The following DLGAP2 variants were observed in gnomAD, a reference collection of about 807,000 sequenced individuals.
DLGAP2 encodes DLG associated protein 2, also known as disks large-associated protein 2.
A neutral mutation model predicts 100.3 loss-of-function variants in DLGAP2; 26 were observed. The observed-to-expected ratio is 0.26, with a 90% CI of 0.19 to 0.36. The LOEUF is 0.36. Among genes scored for constraint, DLGAP2 ranks in the 10% least tolerant of loss-of-function variants. The probability of loss-of-function intolerance (pLI) is 1.00; values close to 1 mark genes in which losing one functional copy is unlikely to be tolerated. For synonymous variants in DLGAP2, 886 were observed against 630.1 expected (o/e 1.41, Z -6.08); for missense variants, 1,858 against 1,453.2 (o/e 1.28, Z -4.53).
At chr8:819,791 G>A (rs923747610) in intron 1 of DLGAP2, among the ~76,000 whole-genome samples, 4 of 152,192 alleles carry the variant, frequency 2.6e-5, no homozygotes, top group Non-Finnish European at 4.4e-5. Flanking sequence ...ACATCATCAA[G>A]TACTTGGTGT....
intron 2 of DLGAP2, among the ~76,000 whole-genome samples, chr8:967,851 TATATATATATATATATATATATAA>T (rs1213708897): frequency 1.5e-4 from 11 of 74,940 alleles, no homozygotes; most frequent in Non-Finnish European, 2.0e-4. Flanking sequence ...TATATATATA[TATATATATATATATATATATATAA>T]ATACTTTAAA....
chr8:1,098,498 G>GAATGC (rs1804464630), intron 2 of DLGAP2, among the ~76,000 whole-genome samples: 1 of 152,152 alleles, frequency 6.6e-6, no homozygotes, highest in Non-Finnish European at 1.5e-5. Flanking sequence ...GAGCAGCTGG[G>GAATGC]AATGCAGCCA....
At chr8:1,182,091 C>T (rs1240728807) in intron 2 of DLGAP2, among the ~76,000 whole-genome samples, 2 of 152,340 alleles carry the variant, frequency 1.3e-5, no homozygotes, top group East Asian at 1.9e-4. Context: ...TGCTAAGGAG[C>T]TGATCTTCAG....
At chr8:1,696,418 T>TCTG (rs2130884964) in intron 13 of DLGAP2, among the ~76,000 whole-genome samples, 1 of 152,284 alleles carries the variant, frequency 6.6e-6, no homozygotes, top group East Asian at 1.9e-4. Context: ...CAGGATCCCT[T>TCTG]CAGCCCAGGA....
At chr8:1,425,651 T>C (rs1313748551) in intron 3 of DLGAP2, among the ~76,000 whole-genome samples, 1 of 152,158 alleles carries the variant, frequency 6.6e-6, no homozygotes, top group African/African-American at 2.4e-5. Context: ...AGAGCTGTCA[T>C]GTAAACCCCT....
chr8:1,272,830 C>T (rs760983400), intron 3 of DLGAP2, among the ~76,000 whole-genome samples: 1 of 152,146 alleles, frequency 6.6e-6, no homozygotes, highest in African/African-American at 2.4e-5. Context: ...CCTGCAAGTC[C>T]CTGTCACTGT....
At chr8:1,430,011 T>TATATGTATATATATATATATACAC (rs1554467363) in intron 3 of DLGAP2, among the ~76,000 whole-genome samples, 2 of 63,966 alleles carry the variant, frequency 3.1e-5, no homozygotes, top group African/African-American at 1.1e-4. Flanking sequence ...TATATACATA[T>TATATGTATATATATATATATACAC]ATATATATAT....
intron 3 of DLGAP2, among the ~76,000 whole-genome samples, chr8:1,359,492 C>G (rs942458254): frequency 2.6e-5 from 4 of 152,250 alleles, no homozygotes; most frequent in Admixed American, 2.0e-4. Flanking sequence ...CTGCCACTGG[C>G]CTAGCCTCCT....
chr8:1,118,780 T>C (rs1053756201), intron 2 of DLGAP2, among the ~76,000 whole-genome samples: 1 of 152,204 alleles, frequency 6.6e-6, no homozygotes, highest in Non-Finnish European at 1.5e-5. Context: ...AATTAAATGA[T>C]GGAAAACGAC....
At chr8:1,631,588 A>G (rs903440591) in intron 7 of DLGAP2, among the ~76,000 whole-genome samples, 1 of 152,042 alleles carries the variant, frequency 6.6e-6, no homozygotes, top group East Asian at 1.9e-4. Flanking sequence ...GTCTCTGTCC[A>G]GTGTCAGGAA....
At chr8:1,550,645 T>C (rs1801733839) in intron 5 of DLGAP2, among the ~76,000 whole-genome samples, 1 of 152,152 alleles carries the variant, frequency 6.6e-6, no homozygotes, top group Non-Finnish European at 1.5e-5. Flanking sequence ...CTCTGGGGTG[T>C]GGATTAAATG....
chr8:1,667,385 T>G (rs1056167121), intron 8 of DLGAP2, among the ~76,000 whole-genome samples: 1 of 152,098 alleles, frequency 6.6e-6, no homozygotes, highest in Admixed American at 6.6e-5. Context: ...GAATGCCCCA[T>G]GCAACTCGAG....
At chr8:1,450,449 G>A (rs1323410067) in intron 3 of DLGAP2, among the ~76,000 whole-genome samples, 2 of 121,424 alleles carry the variant, frequency 1.6e-5, no homozygotes, top group South Asian at 3.0e-4. Flanking sequence ...GGGCGGCCTC[G>A]GTGGCTGTGG....
At chr8:1,653,760 A>G (rs1275999564) in intron 8 of DLGAP2, among the ~76,000 whole-genome samples, 1 of 151,914 alleles carries the variant, frequency 6.6e-6, no homozygotes, top group East Asian at 1.9e-4. Flanking sequence ...CATTAGGGTC[A>G]CCTTAAGATT....
At chr8:804,551 T>C (rs950419151) in intron 1 of DLGAP2, among the ~76,000 whole-genome samples, 2 of 152,254 alleles carry the variant, frequency 1.3e-5, no homozygotes, top group African/African-American at 4.8e-5. Context: ...CTCTGTGTTC[T>C]CTAATTCACA....
At chr8:921,437 C>G (rs901805936) in intron 2 of DLGAP2, among the ~76,000 whole-genome samples, 4 of 151,996 alleles carry the variant, frequency 2.6e-5, no homozygotes, top group Non-Finnish European at 4.4e-5. Context: ...GTCCACAGAC[C>G]CGACCTCCCT....
At chr8:1,161,200 A>G (rs545986675) in intron 2 of DLGAP2, among the ~76,000 whole-genome samples, 65 of 152,298 alleles carry the variant, frequency 4.3e-4, no homozygotes, top group Non-Finnish European at 9.0e-4. Context: ...GTATCCTACT[A>G]TGCAGAGATG....
intron 2 of DLGAP2, among the ~76,000 whole-genome samples, chr8:1,075,273 G>C (rs1164822746): frequency 6.6e-6 from 1 of 152,172 alleles, no homozygotes; most frequent in Non-Finnish European, 1.5e-5. Flanking sequence ...TGAGGAGCGT[G>C]AGGGAAGGAA....
At chr8:1,588,417 C>T (rs972621274) in intron 6 of DLGAP2, among the ~76,000 whole-genome samples, 4 of 152,208 alleles carry the variant, frequency 2.6e-5, no homozygotes, top group African/African-American at 9.7e-5. Flanking sequence ...TACTAAACAG[C>T]TCATCTTATA....
Sources: gnomAD v4.1 joint callset for allele counts (sites outside exome capture counted in the v4.1 genomes callset) on GRCh38, gnomAD v4.1.1 for gene constraint, MANE v1.5 for transcripts, NCBI Gene and HGNC (gene_info 2026-07-23, HGNC 2026-07-21) for gene names.